Variants in GNB5 observed in about 807,000 individuals in gnomAD.
GNB5 encodes the protein G protein subunit beta 5, also known as guanine nucleotide-binding protein subunit beta-5.
A neutral mutation model predicts 55.3 loss-of-function variants in GNB5; 37 were observed. The ratio of observed to expected loss-of-function variants is 0.67; its 90% CI spans 0.51 to 0.88. The LOEUF is 0.88. Ranked by LOEUF, GNB5 falls within the 40% of genes least tolerant of loss-of-function variation. The probability of loss-of-function intolerance (pLI) is 0.00; values close to 1 mark genes in which losing one functional copy is unlikely to be tolerated. For synonymous variants in GNB5, 219 were observed against 198.5 expected (o/e 1.10, Z -0.87); for missense variants, 476 against 515.3 (o/e 0.92, Z 0.74).
intron 3 of GNB5, among the ~76,000 whole-genome samples, chr15:52,155,107 T>C (rs2034179453): frequency 1.3e-5 from 2 of 152,208 alleles, no homozygotes; most frequent in South Asian, 2.1e-4. Flanking sequence ...TTGGTAGCTA[T>C]GTGAGAAGGA....
At chr15:52,169,860 A>T (rs750215220) in intron 3 of GNB5, among the ~76,000 whole-genome samples, 4 of 152,206 alleles carry the variant, frequency 2.6e-5, no homozygotes, top group Non-Finnish European at 5.9e-5. Flanking sequence ...AAGAACTTAA[A>T]CAAATTTACA....
chr15:52,135,394 C>T (rs1596062711), intron 8 of GNB5, among the ~76,000 whole-genome samples: 8 of 152,278 alleles, frequency 5.3e-5, no homozygotes, highest in Admixed American at 5.2e-4. Context: ...GAAGGAGGCC[C>T]TCACAGCTTA....
chr15:52,187,472 C>T (rs1004616381), intron 1 of GNB5, among the ~76,000 whole-genome samples: 2 of 151,670 alleles, frequency 1.3e-5, no homozygotes, highest in Non-Finnish European at 2.9e-5. Context: ...GAATGGAAGG[C>T]GAGAGGAACC....
At chr15:52,180,180 T>G (rs1461413446) in intron 2 of GNB5, 1 of 208,554 alleles carries the variant, frequency 4.8e-6, no homozygotes, top group African/African-American at 2.3e-5. Flanking sequence ...TGCTGGGTGA[T>G]TTGCCCGAGG....
chr15:52,159,184 C>T (rs557797482), intron 3 of GNB5, among the ~76,000 whole-genome samples: 11 of 152,190 alleles, frequency 7.2e-5, no homozygotes, highest in South Asian at 2.1e-4. Context: ...CAAGTAATGG[C>T]GCTGTACACC....
chr15:52,123,316 C>T (rs549041543), intron 12 of GNB5, among the ~76,000 whole-genome samples: 52 of 152,124 alleles, frequency 3.4e-4, no homozygotes, highest in Non-Finnish European at 5.6e-4. Context: ...AGGGTTTGTT[C>T]GAAACCCTCC....
At chr15:52,162,524 G>C (rs951484171) in intron 3 of GNB5, among the ~76,000 whole-genome samples, 1 of 152,110 alleles carries the variant, frequency 6.6e-6, no homozygotes, top group Non-Finnish European at 1.5e-5. Context: ...GAAACCGACT[G>C]CAAAGAAGAC....
chr15:52,167,613 G>GT (rs2034475875), intron 3 of GNB5, among the ~76,000 whole-genome samples: 2 of 151,962 alleles, frequency 1.3e-5, no homozygotes, highest in East Asian at 3.9e-4. Context: ...AGAGGTTGCA[G>GT]TGAGTCAAGA....
chr15:52,164,542 G>A (rs1016640757), intron 3 of GNB5, among the ~76,000 whole-genome samples: 2 of 151,316 alleles, frequency 1.3e-5, no homozygotes, highest in Non-Finnish European at 2.9e-5. Flanking sequence ...GCAGGAGAAT[G>A]GCGTCAACCT....
At chr15:52,153,534 G>A (rs2034144455) in intron 4 of GNB5, among the ~76,000 whole-genome samples, 1 of 152,028 alleles carries the variant, frequency 6.6e-6, no homozygotes, top group African/African-American at 2.4e-5. Context: ...TTTTAAAATT[G>A]TATTTTACAA....
intron 4 of GNB5, 48 bp downstream of exon 4, chr15:52,153,892 T>C (rs1256308229): frequency 6.4e-7 from 1 of 1,556,848 alleles, no homozygotes; most frequent in South Asian, 1.2e-5. Flanking sequence ...CCCCCTTAGC[T>C]ATAAAATCCA....
At chr15:52,177,662 A>AAAG (rs2034678434) in intron 3 of GNB5, among the ~76,000 whole-genome samples, 1 of 151,958 alleles carries the variant, frequency 6.6e-6, no homozygotes, top group African/African-American at 2.4e-5. Context: ...AAAAAAAAAA[A>AAAG]AAAAGAAAAG....
intron 10 of GNB5, 70 bp downstream of exon 10, chr15:52,128,126 T>A: frequency 1.0e-6 from 1 of 1,000,588 alleles, no homozygotes; most frequent in Non-Finnish European, 1.6e-6. Context: ...GAAAAATAGT[T>A]ATTTTCTTAA....
At chr15:52,147,593 T>TC in intron 5 of GNB5, 58 bp from the exon 6 acceptor site, 2 of 960,780 alleles carry the variant, frequency 2.1e-6, no homozygotes, top group African/African-American at 1.7e-5. Context: ...TTTTTTTTTT[T>TC]TCTTTTTTTT....
intron 5 of GNB5, among the ~76,000 whole-genome samples, chr15:52,148,636 G>A (rs1415753315): frequency 1.3e-5 from 2 of 152,208 alleles, no homozygotes; most frequent in African/African-American, 4.8e-5. Context: ...GCCAGGGATG[G>A]GCGCACTTAG....
rs1224732355 is a variant in GNB5 at position 52,117,054 on chromosome 15, G to C, written c.*5703C>G. Reference sequence around the variant, plus strand: ...TTCTCCTGCCCCAGCCTCCCGAGCAGCTGGGACTACAGGCACCTGCCACCA... The same window carrying C: ...TTCTCCTGCCCCAGCCTCCCGAGCACCTGGGACTACAGGCACCTGCCACCA... On this transcript the variant is annotated 3_prime_UTR_variant, in exon 13 of 13. Coordinates refer to ENST00000261837, the MANE Select transcript of GNB5 (RefSeq NM_016194.4). The C allele has an allele frequency of 2.1e-5, 3 of 142,120 alleles. No individual in the cohort carries two copies. Among genetic ancestry groups the C allele is most frequent in the Non-Finnish European group, 1.5e-5 (1 of 65,542 alleles). The allele number at this position is 142,120 out of a possible 1,614,324, so 8.8% of individuals were successfully genotyped here. A position where few individuals can be genotyped will look rare whatever the true frequency, so the allele number is the denominator to read the frequency against.
At chr15:52,133,933 T>C (rs949417670) in intron 8 of GNB5, among the ~76,000 whole-genome samples, 5 of 152,242 alleles carry the variant, frequency 3.3e-5, no homozygotes, top group African/African-American at 1.2e-4. Context: ...GAGTCCCAGC[T>C]TTGTTTTGGT....
intron 1 of GNB5, among the ~76,000 whole-genome samples, chr15:52,185,788 T>C (rs977618654): frequency 1.4e-5 from 2 of 147,962 alleles, no homozygotes; most frequent in Non-Finnish European, 1.5e-5. Flanking sequence ...TTATTATTAT[T>C]ATTATTATTT....
intron 3 of GNB5, among the ~76,000 whole-genome samples, chr15:52,161,485 G>A (rs2034331244): frequency 6.6e-6 from 1 of 152,104 alleles, no homozygotes; most frequent in Non-Finnish European, 1.5e-5. Flanking sequence ...TTTTTTAGTA[G>A]AGATGGGGTT....
Sources: gnomAD v4.1 joint callset for allele counts (sites outside exome capture counted in the v4.1 genomes callset) on GRCh38, gnomAD v4.1.1 for gene constraint, MANE v1.5 for transcripts, NCBI Gene and HGNC (gene_info 2026-07-23, HGNC 2026-07-21) for gene names.